VRK1: variants seen among roughly 807,000 people sequenced by gnomAD.
VRK1 encodes serine/threonine-protein kinase VRK1.
Under a neutral mutation model 57.1 loss-of-function variants are expected in VRK1, and 33 were observed. The observed-to-expected ratio is 0.58, with a 90% CI of 0.44 to 0.77. The LOEUF is 0.77. Ranked by LOEUF, VRK1 falls within the 30% of genes least tolerant of loss-of-function variation. The probability of loss-of-function intolerance (pLI) is 0.00; values close to 1 mark genes in which losing one functional copy is unlikely to be tolerated. For missense variants in VRK1, 413 were observed against 477.3 expected, an observed-to-expected ratio of 0.87 and a Z score of 1.25; for synonymous variants, 137 against 147.8, an observed-to-expected ratio of 0.93 and a Z score of 0.53.
chr14:96,809,588 T>TC (rs1256965676), intron 1 of VRK1, among the ~76,000 whole-genome samples: 1 of 150,740 alleles, frequency 6.6e-6, no homozygotes, highest in Non-Finnish European at 1.5e-5. Context: ...TTTTTTTTTT[T>TC]CTGAAACGAA....
chr14:96,868,606 A>T (rs1280158566), intron 11 of VRK1, among the ~76,000 whole-genome samples: 1 of 152,100 alleles, frequency 6.6e-6, no homozygotes, highest in Non-Finnish European at 1.5e-5. Flanking sequence ...TGTATATATA[A>T]GTACTTTACT....
At chr14:96,859,545 G>A (rs971465541) in intron 10 of VRK1, among the ~76,000 whole-genome samples, 1 of 152,172 alleles carries the variant, frequency 6.6e-6, no homozygotes, top group African/African-American at 2.4e-5. Flanking sequence ...TTGGAAGTTA[G>A]GGATTGTTGT....
At position 96,835,397 on chromosome 14, in the gene VRK1, T is replaced by C. The variant is rs183860419; in HGVS notation, c.160+1766T>C. The stretch of plus-strand genomic sequence containing the variant: ...TTTTCTGGCTGTACTTGGTCATCTT[T>C]ATAGGCACTTCTGTGTGCTCCGGCT... On this transcript the variant is annotated intron_variant, in intron 2 of 12. Transcript: ENST00000216639. 3.9e-5 allele frequency among the ~76,000 whole-genome samples: 6 copies of C among 152,330 alleles called. No individual in the cohort carries two copies. The East Asian group carries it at 9.6e-4, about 24-fold the overall frequency.
chr14:96,877,454 T>TACTGTCTTTTTTCCTCCTTTCCCC, intron 12 of VRK1: 1 of 1,274,326 alleles, frequency 7.8e-7, no homozygotes, highest in Non-Finnish European at 1.0e-6. Flanking sequence ...TTCCTTTCGC[T>TACTGTCTTTTTTCCTCCTTTCCCC]ACTGTCTTTT....
At chr14:96,821,984 T>TTA (rs397727799) in intron 1 of VRK1, among the ~76,000 whole-genome samples, 2 of 150,998 alleles carry the variant, frequency 1.3e-5, no homozygotes, top group Admixed American at 6.6e-5. Flanking sequence ...TTTTTTTTTT[T>TTA]AACAAGTTTT....
intron 2 of VRK1, among the ~76,000 whole-genome samples, chr14:96,834,274 T>G (rs1314060797): frequency 6.6e-6 from 1 of 152,224 alleles, no homozygotes; most frequent in Non-Finnish European, 1.5e-5. Context: ...TTCTAACTTT[T>G]CCATTCTGTG....
At chr14:96,860,761 T>G (rs753133634) in intron 11 of VRK1, 26 bp downstream of exon 11, 1 of 1,609,280 alleles carries the variant, frequency 6.2e-7, no homozygotes, top group East Asian at 2.2e-5. Context: ...AAATTATTCT[T>G]TGGTCTTCTT....
At chr14:96,839,634 T>G (rs1428630694) in intron 3 of VRK1, among the ~76,000 whole-genome samples, 1 of 152,212 alleles carries the variant, frequency 6.6e-6, no homozygotes. Flanking sequence ...TATTGGCCAT[T>G]CATGTATTTT....
chr14:96,865,807 A>T, intron 11 of VRK1, among the ~76,000 whole-genome samples: 1 of 147,254 alleles, frequency 6.8e-6, no homozygotes. Flanking sequence ...TCTTTCCTTT[A>T]TGTCATCTGA....
At chr14:96,858,452 G>T (rs541301258) in intron 10 of VRK1, among the ~76,000 whole-genome samples, 41 of 152,064 alleles carry the variant, frequency 2.7e-4, no homozygotes, top group Non-Finnish European at 4.0e-4. Context: ...ATATTCTATT[G>T]TAGTTACATA....
intron 1 of VRK1, among the ~76,000 whole-genome samples, chr14:96,799,043 G>C (rs1885553641): frequency 6.6e-6 from 1 of 152,062 alleles, no homozygotes; most frequent in Admixed American, 6.6e-5. Flanking sequence ...ATTTAGTTCT[G>C]GTATCCAGTA....
chr14:96,828,299 A>G (rs1381888886), intron 1 of VRK1, among the ~76,000 whole-genome samples: 1 of 152,214 alleles, frequency 6.6e-6, no homozygotes, highest in Non-Finnish European at 1.5e-5. Context: ...TGAATTTTCA[A>G]AATGATCGAA....
intron 1 of VRK1, among the ~76,000 whole-genome samples, chr14:96,810,416 T>C (rs1012284811): frequency 2.6e-5 from 4 of 152,350 alleles, no homozygotes; most frequent in African/African-American, 9.6e-5. Context: ...TATTTTCTTA[T>C]GTTATCTTCT....
rs374337832 is a variant in VRK1 at position 96,856,597 on chromosome 14, A to G, written c.889+11A>G. On this transcript the variant is annotated intron_variant, in intron 10 of 12. Coordinates refer to ENST00000216639, the MANE Select transcript of VRK1 (RefSeq NM_003384.3). ...AGAAAAACAAACCAGGTAGGAAATG[A>G]CTTCTTCAGTGTTAATAGGGATTTT... The G allele has an allele frequency of 1.2e-6, 2 of 1,610,838 alleles. No individual in the cohort carries two copies. Among genetic ancestry groups the G allele is most frequent in the Admixed American group, 3.3e-5 (2 of 60,008 alleles).
chr14:96,816,397 C>T (rs1236175282), intron 1 of VRK1, among the ~76,000 whole-genome samples: 3 of 152,194 alleles, frequency 2.0e-5, no homozygotes, highest in African/African-American at 7.2e-5. Context: ...TCTCCCCTCC[C>T]TTAGGTAAGA....
intron 12 of VRK1, among the ~76,000 whole-genome samples, chr14:96,877,159 A>G (rs1009983174): frequency 6.6e-6 from 1 of 151,330 alleles, no homozygotes; most frequent in Non-Finnish European, 1.5e-5. Flanking sequence ...AAAAAATTTT[A>G]CAGCATAGGT....
intron 1 of VRK1, among the ~76,000 whole-genome samples, chr14:96,809,295 C>T (rs192344101): frequency 6.2e-4 from 94 of 152,302 alleles, no homozygotes; most frequent in African/African-American, 2.2e-3. Flanking sequence ...GGGACATAGA[C>T]CTCATGTCTT....
chr14:96,861,505 T>C (rs1446787892), intron 11 of VRK1, among the ~76,000 whole-genome samples: 1 of 152,182 alleles, frequency 6.6e-6, no homozygotes, highest in African/African-American at 2.4e-5. Flanking sequence ...TTATTAACCA[T>C]TTTTACTGTC....
intron 9 of VRK1, 31 bp from the exon 10 acceptor site, chr14:96,856,497 C>T (rs1386657715): frequency 6.4e-7 from 1 of 1,571,686 alleles, no homozygotes; most frequent in Non-Finnish European, 8.8e-7. Flanking sequence ...TGACATCAAG[C>T]TTCAGTGACT....
Sources: allele counts gnomAD v4.1 joint callset (sites outside exome capture counted in the v4.1 genomes callset), GRCh38; gene constraint gnomAD v4.1.1; transcripts MANE v1.5; gene names NCBI Gene and HGNC (gene_info 2026-07-23, HGNC 2026-07-21).